Variants in MGAT4A observed in about 807,000 individuals in gnomAD.
MGAT4A encodes the protein alpha-1,3-mannosyl-glycoprotein 4-beta-N-acetylglucosaminyltransferase A, also known as N-acetylglucosaminyltransferase IVa.
Under a neutral mutation model 74.1 loss-of-function variants are expected in MGAT4A, and 33 were observed. The observed-to-expected ratio is 0.45, with a 90% CI of 0.34 to 0.60. The LOEUF is 0.60. MGAT4A is among the 20% of genes least tolerant of loss of function. The pLI is 0.02. For missense variants in MGAT4A, 479 were observed against 628.3 expected (o/e 0.76, Z 2.54); for synonymous variants, 198 against 210.4 (o/e 0.94, Z 0.51).
intron 1 of MGAT4A, among the ~76,000 whole-genome samples, chr2:98,728,771 A>G (rs2104342353): frequency 6.6e-6 from 1 of 152,190 alleles, no homozygotes; most frequent in East Asian, 1.9e-4. Flanking sequence ...TCATAGCAAG[A>G]CTGCTCTAAT....
At chr2:98,628,985 C>CA (rs369781428) in intron 14 of MGAT4A, among the ~76,000 whole-genome samples, 4 of 151,928 alleles carry the variant, frequency 2.6e-5, no homozygotes, top group African/African-American at 9.7e-5. Flanking sequence ...GGCTGTCTTC[C>CA]AAAAAAACTT....
chr2:98,646,466 G>A (rs1485651752), intron 8 of MGAT4A, among the ~76,000 whole-genome samples: 2 of 152,024 alleles, frequency 1.3e-5, no homozygotes, highest in African/African-American at 4.8e-5. Context: ...CACTTCGGGG[G>A]GCCCAAGCAG....
intron 4 of MGAT4A, among the ~76,000 whole-genome samples, chr2:98,667,753 C>A (rs1289670794): frequency 6.6e-6 from 1 of 151,648 alleles, no homozygotes; most frequent in Non-Finnish European, 1.5e-5. Flanking sequence ...GAGTTTCGAT[C>A]TTGTGGCCCA....
intron 2 of MGAT4A, among the ~76,000 whole-genome samples, chr2:98,703,130 T>A (rs1702375515): frequency 6.6e-6 from 1 of 152,124 alleles, no homozygotes; most frequent in African/African-American, 2.4e-5. Context: ...TTAAAAGAAC[T>A]AATGAAGCCA....
At chr2:98,627,709 G>C (rs1179968679) in intron 14 of MGAT4A, among the ~76,000 whole-genome samples, 1 of 152,194 alleles carries the variant, frequency 6.6e-6, no homozygotes, top group African/African-American at 2.4e-5. Context: ...GATAATAGCT[G>C]TTGAGGGAAG....
At chr2:98,703,975 T>G (rs778882024) in intron 2 of MGAT4A, among the ~76,000 whole-genome samples, 5 of 152,202 alleles carry the variant, frequency 3.3e-5, no homozygotes, top group Non-Finnish European at 5.9e-5. Context: ...TGTTTGGTTG[T>G]CAGTATTCAT....
intron 14 of MGAT4A, among the ~76,000 whole-genome samples, chr2:98,627,422 C>T (rs1701162005): frequency 1.3e-5 from 2 of 152,110 alleles, no homozygotes; most frequent in Non-Finnish European, 2.9e-5. Flanking sequence ...GTCACCCAAG[C>T]TGGAGTGCGA....
At chr2:98,626,533 C>CT (rs879700244) in intron 14 of MGAT4A, among the ~76,000 whole-genome samples, 56 of 152,228 alleles carry the variant, frequency 3.7e-4, no homozygotes, top group Non-Finnish European at 7.4e-5. Flanking sequence ...GGCCAAATTT[C>CT]TTTAAGCCAA....
chr2:98,703,476 A>G (rs1451056146), intron 2 of MGAT4A, among the ~76,000 whole-genome samples: 2 of 152,174 alleles, frequency 1.3e-5, no homozygotes, highest in Non-Finnish European at 2.9e-5. Context: ...AGAAAAAAAT[A>G]TATGAAAAAG....
chr2:98,704,206 G>A (rs945961531), intron 2 of MGAT4A, among the ~76,000 whole-genome samples: 3 of 152,132 alleles, frequency 2.0e-5, no homozygotes, highest in African/African-American at 7.2e-5. Context: ...GCAGCAATAC[G>A]AAGAAAGCTA....
intron 2 of MGAT4A, among the ~76,000 whole-genome samples, chr2:98,725,618 T>TAA (rs5832857): frequency 1.3e-3 from 189 of 142,416 alleles, no homozygotes; most frequent in African/African-American, 3.4e-3. Flanking sequence ...TAGTTTCTCT[T>TAA]AAAAAAAAAA....
At chr2:98,685,821 A>G (rs993957465) in intron 2 of MGAT4A, among the ~76,000 whole-genome samples, 2 of 152,186 alleles carry the variant, frequency 1.3e-5, no homozygotes, top group African/African-American at 4.8e-5. Flanking sequence ...GGGGCCCAAG[A>G]ATTTCTAACA....
At position 98,623,264 on chromosome 2, in the gene MGAT4A, T is replaced by A; in HGVS notation, c.*2302A>T. On this transcript the variant is annotated 3_prime_UTR_variant, in exon 16 of 16. Transcript: ENST00000393487. ...ACCAATGCTGGGAGGGCAAACTGCA[T>A]GAAAACAGGAAAAAGCTAGCCAGGC... 1 of 985,412 alleles carries A rather than the reference T, an allele frequency of 1.0e-6. No individual in the cohort carries two copies. The highest frequency in any genetic ancestry group is 4.7e-5 in the South Asian group (1 of 21,290). 61.0% of individuals were successfully genotyped at this position (985,412 alleles called of 1,614,324 possible). A position where few individuals can be genotyped will look rare whatever the true frequency, so the allele number is the denominator to read the frequency against.
chr2:98,643,276 G>C (rs902405170), intron 10 of MGAT4A, among the ~76,000 whole-genome samples: 7 of 151,926 alleles, frequency 4.6e-5, no homozygotes, highest in Non-Finnish European at 7.4e-5. Context: ...CTCCAGTCTT[G>C]GGCTCCCAAG....
At chr2:98,634,008 G>T (rs557018507) in intron 14 of MGAT4A, among the ~76,000 whole-genome samples, 1 of 152,292 alleles carries the variant, frequency 6.6e-6, no homozygotes, top group South Asian at 2.1e-4. Flanking sequence ...TCTAGAAAGG[G>T]CTTAAAAATG....
intron 2 of MGAT4A, among the ~76,000 whole-genome samples, chr2:98,717,111 G>T (rs1489355738): frequency 5.9e-5 from 9 of 152,138 alleles, no homozygotes; most frequent in African/African-American, 1.7e-4. Flanking sequence ...CAGGCATGGT[G>T]GCTCACACCT....
chr2:98,706,063 G>A (rs72825777), intron 2 of MGAT4A, among the ~76,000 whole-genome samples: 3,327 of 151,910 alleles, frequency 0.022, 50 homozygotes, highest in South Asian at 0.046. Flanking sequence ...ACGCTGAACC[G>A]ATTGATAAAA....
At chr2:98,643,077 A>G (rs2104239641) in intron 10 of MGAT4A, among the ~76,000 whole-genome samples, 1 of 152,332 alleles carries the variant, frequency 6.6e-6, no homozygotes, top group East Asian at 1.9e-4. Flanking sequence ...AAGAATTTGT[A>G]CTTTTACATA....
At chr2:98,641,663 G>A (rs1453618237) in intron 10 of MGAT4A, among the ~76,000 whole-genome samples, 1 of 149,608 alleles carries the variant, frequency 6.7e-6, no homozygotes, top group African/African-American at 2.5e-5. Context: ...GCCACGGAGC[G>A]AGACTCCGTC....
Sources: allele counts gnomAD v4.1 joint callset (sites outside exome capture counted in the v4.1 genomes callset), GRCh38; gene constraint gnomAD v4.1.1; transcripts MANE v1.5; gene names NCBI Gene and HGNC (gene_info 2026-07-23, HGNC 2026-07-21).